The following KCNT2 variants were observed in gnomAD, a reference collection of about 807,000 sequenced individuals.
KCNT2 encodes the protein potassium channel subfamily T member 2.
A neutral mutation model predicts 153.8 loss-of-function variants in KCNT2; 67 were observed. That is an observed-to-expected ratio of 0.44 (90% CI 0.36 to 0.53). The LOEUF (loss-of-function observed/expected upper bound fraction) is 0.53, where lower values mean the gene tolerates loss of function less well. Ranked by LOEUF, KCNT2 falls within the 20% of genes least tolerant of loss-of-function variation. The pLI, the probability that KCNT2 is intolerant of heterozygous loss-of-function variation, is 0.00. For synonymous variants in KCNT2, 500 were observed against 458.8 expected (o/e 1.09, Z -1.15); for missense variants, 975 against 1,354.8 (o/e 0.72, Z 4.40).
rs536141422 is a variant in KCNT2 at position 196,530,699 on chromosome 1, A to G, written c.96-38358T>C. On this transcript the variant is annotated intron_variant, in intron 1 of 27. Coordinates refer to ENST00000294725, the MANE Select transcript of KCNT2 (RefSeq NM_198503.5). ...TTTTCTTATACTGATCACATACTGC[A>G]TATGTAATATAAATACAGTGCTAAC... is the stretch of plus-strand genomic sequence containing the variant. 6.6e-5 allele frequency among the ~76,000 whole-genome samples: 10 copies of G among 152,250 alleles called. No homozygotes were observed. The South Asian group carries it at 1.9e-3, about 28-fold the overall frequency.
intron 14 of KCNT2, among the ~76,000 whole-genome samples, chr1:196,372,358 A>G (rs1453996034): frequency 2.0e-5 from 3 of 151,958 alleles, no homozygotes; most frequent in Non-Finnish European, 4.4e-5. Context: ...CTTACTTAAT[A>G]TGAGTAATCA....
intron 8 of KCNT2, among the ~76,000 whole-genome samples, chr1:196,461,866 C>T (rs1288784274): frequency 2.0e-5 from 3 of 151,644 alleles, no homozygotes; most frequent in Admixed American, 1.3e-4. Flanking sequence ...CTCTTGCAGA[C>T]AGATGCATAT....
intron 1 of KCNT2, among the ~76,000 whole-genome samples, chr1:196,573,437 T>C (rs10494744): frequency 0.1 from 15,245 of 152,150 alleles, 1,046 homozygotes; most frequent in Non-Finnish European, 0.14. Flanking sequence ...AATCATGTTT[T>C]TTTTTAAAGT....
chr1:196,509,039 C>A (rs768141670), intron 1 of KCNT2, among the ~76,000 whole-genome samples: 1 of 152,004 alleles, frequency 6.6e-6, no homozygotes, highest in Non-Finnish European at 1.5e-5. Flanking sequence ...GAGGTTGAGG[C>A]GGGCAGATCA....
At chr1:196,261,112 G>A (rs1235041752) in intron 25 of KCNT2, among the ~76,000 whole-genome samples, 1 of 151,650 alleles carries the variant, frequency 6.6e-6, no homozygotes, top group Non-Finnish European at 1.5e-5. Context: ...TCTTCTAGTT[G>A]TAACTCTCCT....
intron 3 of KCNT2, among the ~76,000 whole-genome samples, chr1:196,485,809 TA>T (rs755614103): frequency 1.7e-4 from 25 of 150,624 alleles, no homozygotes; most frequent in African/African-American, 1.9e-4. Flanking sequence ...GAATTTATCA[TA>T]AAAAAAAAGA....
At chr1:196,254,122 C>T (rs1474916218) in intron 26 of KCNT2, among the ~76,000 whole-genome samples, 1 of 151,330 alleles carries the variant, frequency 6.6e-6, no homozygotes, top group Non-Finnish European at 1.5e-5. Context: ...ATCATTAACT[C>T]ATCAATTACC....
At chr1:196,438,141 T>C (rs1425382682) in intron 8 of KCNT2, among the ~76,000 whole-genome samples, 1 of 151,696 alleles carries the variant, frequency 6.6e-6, no homozygotes, top group Non-Finnish European at 1.5e-5. Context: ...TAGAATAAGG[T>C]TCAGTGAATT....
intron 13 of KCNT2, among the ~76,000 whole-genome samples, chr1:196,391,112 G>A (rs996074161): frequency 1.3e-5 from 2 of 151,212 alleles, no homozygotes; most frequent in Admixed American, 1.3e-4. Flanking sequence ...GGAAAGGGGG[G>A]TTGTAAGGCT....
chr1:196,549,903 G>A lies in KCNT2; in HGVS notation c.96-57562C>T, dbSNP rs1031865921. Among the ~76,000 whole-genome samples, 20 of 151,898 alleles carry A rather than the reference G, an allele frequency of 1.3e-4. No homozygotes were observed. The East Asian group carries it at 3.9e-3, about 30-fold the overall frequency. On this transcript the variant is annotated intron_variant, in intron 1 of 27. Transcript: ENST00000294725. Reference sequence around the variant, plus strand: ...GGAAATCTCATGGGCTCTAAGTTTCGGATGCCTTAAGCAGAAATAGGCTGA... The same window carrying A: ...GGAAATCTCATGGGCTCTAAGTTTCAGATGCCTTAAGCAGAAATAGGCTGA...
chr1:196,393,607 G>A (rs2148420716), intron 13 of KCNT2, among the ~76,000 whole-genome samples: 1 of 151,534 alleles, frequency 6.6e-6, no homozygotes, highest in East Asian at 2.0e-4. Context: ...ATGTATGTGT[G>A]TGTGTGTGCA....
chr1:196,291,617 CTG>C (rs932000627), intron 22 of KCNT2, among the ~76,000 whole-genome samples: 4 of 152,098 alleles, frequency 2.6e-5, no homozygotes, highest in Admixed American at 2.6e-4. Context: ...ACCTACCTCT[CTG>C]TGTCTCAAGA....
At chr1:196,456,616 AATAGGGGAGTAAAG>A (rs1676693549) in intron 8 of KCNT2, among the ~76,000 whole-genome samples, 1 of 151,834 alleles carries the variant, frequency 6.6e-6, no homozygotes, top group East Asian at 1.9e-4. Context: ...GTTATTTGTT[AATAGGGGAGTAAAG>A]TAATAGATGC....
At chr1:196,270,511 C>G (rs1331603739) in intron 25 of KCNT2, among the ~76,000 whole-genome samples, 1 of 151,926 alleles carries the variant, frequency 6.6e-6, no homozygotes, top group East Asian at 1.9e-4. Context: ...ATGTTAGACT[C>G]TATAATTGAC....
intron 17 of KCNT2, among the ~76,000 whole-genome samples, chr1:196,331,785 G>T (rs576706954): frequency 6.6e-6 from 1 of 152,138 alleles, no homozygotes; most frequent in Admixed American, 6.6e-5. Flanking sequence ...AAGGCAAAAT[G>T]CATTATTATG....
At chr1:196,442,227 G>T (rs1675296176) in intron 8 of KCNT2, among the ~76,000 whole-genome samples, 1 of 151,716 alleles carries the variant, frequency 6.6e-6, no homozygotes, top group African/African-American at 2.4e-5. Context: ...AGGCAACCTG[G>T]TACTTAATCA....
At chr1:196,523,236 C>T (rs1009985621) in intron 1 of KCNT2, among the ~76,000 whole-genome samples, 15 of 151,974 alleles carry the variant, frequency 9.9e-5, no homozygotes, top group African/African-American at 2.9e-4. Context: ...ACGAACCCAC[C>T]GGAAGGAAGA....
In KCNT2 at chr1:196,292,643, G is replaced by GA. The variant is rs771030511; in HGVS notation, c.2596-6886dup. Among the ~76,000 whole-genome samples the GA allele has an allele frequency of 4.7e-4, 72 of 151,768 alleles. 1 individual carries two copies. The highest frequency in any genetic ancestry group is 8.8e-4 in the Non-Finnish European group (60 of 67,858). On this transcript the variant is annotated intron_variant, in intron 22 of 27. Transcript: ENST00000294725. ...AACGCGGTGAAACCCCGTCTCTACTGAAAATACAAAAAAATTAGCCGGGCG... is the reference window on the plus strand; with the variant it reads ...AACGCGGTGAAACCCCGTCTCTACTGAAAAATACAAAAAAATTAGCCGGGCG...
At chr1:196,389,370 T>A (rs1366586061) in intron 13 of KCNT2, among the ~76,000 whole-genome samples, 1 of 151,710 alleles carries the variant, frequency 6.6e-6, no homozygotes, top group Non-Finnish European at 1.5e-5. Flanking sequence ...TTTTTTTTTC[T>A]CCTCTCCTTT....
Sources: allele counts gnomAD v4.1 joint callset (sites outside exome capture counted in the v4.1 genomes callset), GRCh38; gene constraint gnomAD v4.1.1; transcripts MANE v1.5; gene names NCBI Gene and HGNC (gene_info 2026-07-23, HGNC 2026-07-21).